OR2L13: variants seen among roughly 807,000 people sequenced by gnomAD.
The protein encoded by OR2L13 is olfactory receptor 2L13.
OR2L13 carries 14 observed loss-of-function variants against 15.3 expected under a neutral mutation model. The observed-to-expected ratio is 0.91, with a 90% confidence interval of 0.60 to 1.43. The LOEUF (loss-of-function observed/expected upper bound fraction) is 1.43, where lower values mean the gene tolerates loss of function less well. Ranked by LOEUF, OR2L13 falls within the 40% of genes most tolerant of loss-of-function variation. OR2L13 has a pLI of 0.00. For missense variants in OR2L13, 367 were observed against 387.9 expected (o/e 0.95, Z 0.45); for synonymous variants, 152 against 142.9 (o/e 1.06, Z -0.45).
At chr1:248,017,479 C>A in the OR2L13 span, among the ~76,000 whole-genome samples, 1 of 152,182 alleles carries the variant, frequency 6.6e-6, no homozygotes, top group Admixed American at 6.5e-5. Context: ...TGCCACTCAC[C>A]ACTTGCAAAG....
the OR2L13 span, chr1:248,039,167 G>A: frequency 6.0e-5 from 97 of 1,611,874 alleles, no homozygotes; most frequent in Non-Finnish European, 7.9e-5. Context: ...TGGGGGCCCT[G>A]ACACAAGTGA....
At chr1:247,955,028 A>T in the OR2L13 span, among the ~76,000 whole-genome samples, 2 of 151,890 alleles carry the variant, frequency 1.3e-5, no homozygotes, top group African/African-American at 4.8e-5. Context: ...TACATGTGCC[A>T]TGTTGGTGTG....
At chr1:248,096,161 G>A (rs943511310), upstream of OR2L13, among the ~76,000 whole-genome samples, 2 of 151,790 alleles carry the variant, frequency 1.3e-5, no homozygotes, top group Admixed American at 6.6e-5. Context: ...GGCAGATCAC[G>A]AGGTCAGGAG....
the OR2L13 span, among the ~76,000 whole-genome samples, chr1:248,082,421 C>T: frequency 8.2e-5 from 12 of 146,180 alleles, no homozygotes; most frequent in Non-Finnish European, 1.2e-4. Flanking sequence ...GTGGGTGCAG[C>T]GCACCAGCAT....
the OR2L13 span, among the ~76,000 whole-genome samples, chr1:247,956,538 A>G: frequency 1.3e-5 from 2 of 150,466 alleles, no homozygotes; most frequent in African/African-American, 2.4e-5. Flanking sequence ...CTTGGGCAGT[A>G]TGGCCATTTT....
At chr1:248,056,532 C>T in the OR2L13 span, among the ~76,000 whole-genome samples, 2 of 152,050 alleles carry the variant, frequency 1.3e-5, no homozygotes, top group East Asian at 1.9e-4. Flanking sequence ...CTCTGCATCC[C>T]GGAGATTCTG....
At chr1:248,067,918 T>C in the OR2L13 span, among the ~76,000 whole-genome samples, 1 of 152,120 alleles carries the variant, frequency 6.6e-6, no homozygotes, top group Non-Finnish European at 1.5e-5. Context: ...GAGATCAAAC[T>C]GCAAGGTGGC....
At chr1:248,038,637 G>A in the OR2L13 span, 1 of 1,614,128 alleles carries the variant, frequency 6.2e-7, no homozygotes, top group East Asian at 2.2e-5. Context: ...TCGTTATGTG[G>A]CCATTTGCTT....
At chr1:247,957,533 T>C in the OR2L13 span, among the ~76,000 whole-genome samples, 2 of 152,326 alleles carry the variant, frequency 1.3e-5, no homozygotes, top group African/African-American at 2.4e-5. Flanking sequence ...AGCTCCTCCT[T>C]ATACCTCTGG....
At chr1:247,937,895 T>C in the OR2L13 span, among the ~76,000 whole-genome samples, 1 of 152,162 alleles carries the variant, frequency 6.6e-6, no homozygotes, top group Non-Finnish European at 1.5e-5. Context: ...TAATGAAAAA[T>C]GATTAGCCTT....
chr1:248,098,988 G>A (rs138071716), intron 2 of OR2L13, among the ~76,000 whole-genome samples: 22 of 152,246 alleles, frequency 1.4e-4, no homozygotes, highest in African/African-American at 4.8e-4. Context: ...TTGTTTGCTT[G>A]ATTTCTTTAT....
At chr1:247,973,978 C>T in the OR2L13 span, among the ~76,000 whole-genome samples, 1 of 152,128 alleles carries the variant, frequency 6.6e-6, no homozygotes, top group Non-Finnish European at 1.5e-5. Context: ...CACAGACACA[C>T]GTATGTTTAT....
the OR2L13 span, among the ~76,000 whole-genome samples, chr1:247,989,544 A>G: frequency 6.6e-6 from 1 of 152,176 alleles, no homozygotes; most frequent in South Asian, 2.1e-4. Flanking sequence ...AAATGTATAT[A>G]TTTCTTATTA....
chr1:248,047,940 A>T, the OR2L13 span, among the ~76,000 whole-genome samples: 1 of 152,208 alleles, frequency 6.6e-6, no homozygotes, highest in Admixed American at 6.5e-5. Flanking sequence ...TGTTGTAATT[A>T]TAAGATACAG....
the OR2L13 span, among the ~76,000 whole-genome samples, chr1:247,992,183 G>A: frequency 7.0e-6 from 1 of 143,170 alleles, no homozygotes; most frequent in Admixed American, 6.9e-5. Context: ...CACTAAATAA[G>A]TAGTAAATAT....
the OR2L13 span, chr1:248,038,771 C>T: frequency 1.2e-6 from 2 of 1,614,052 alleles, no homozygotes; most frequent in South Asian, 2.2e-5. Flanking sequence ...TCCCATATTG[C>T]AAGTCCAGAG....
At chr1:247,997,268 A>G in the OR2L13 span, among the ~76,000 whole-genome samples, 1 of 152,198 alleles carries the variant, frequency 6.6e-6, no homozygotes, top group African/African-American at 2.4e-5. Context: ...GAAACAAGAA[A>G]TTAGAGAACA....
chr1:248,028,098 G>A, the OR2L13 span, among the ~76,000 whole-genome samples: 15 of 123,874 alleles, frequency 1.2e-4, no homozygotes, highest in African/African-American at 4.5e-4. Flanking sequence ...CCGAGATCAC[G>A]CCACTGCACT....
At chr1:248,097,512 A>C (rs975645954) in intron 1 of OR2L13, among the ~76,000 whole-genome samples, 1 of 152,216 alleles carries the variant, frequency 6.6e-6, no homozygotes, top group Non-Finnish European at 1.5e-5. Flanking sequence ...AGGATCCTAA[A>C]AGTAACTATT....
Sources: gnomAD v4.1 joint callset for allele counts (sites outside exome capture counted in the v4.1 genomes callset) on GRCh38, gnomAD v4.1.1 for gene constraint, MANE v1.5 for transcripts, NCBI Gene and HGNC (gene_info 2026-07-23, HGNC 2026-07-21) for gene names.